The following FTO variants were observed in gnomAD, a reference collection of about 807,000 sequenced individuals.
The protein encoded by FTO is FTO alpha-ketoglutarate dependent dioxygenase, also known as alpha-ketoglutarate-dependent dioxygenase FTO.
A neutral mutation model predicts 63.9 loss-of-function variants in FTO; 47 were observed. That is an observed-to-expected ratio of 0.74 (90% CI 0.58 to 0.94). The LOEUF is 0.94. Ranked by LOEUF, FTO falls within the 40% of genes least tolerant of loss-of-function variation. FTO has a pLI of 0.00. For missense variants in FTO, 562 were observed against 618.1 expected, an observed-to-expected ratio of 0.91 and a Z score of 0.96; for synonymous variants, 207 against 224.4, an observed-to-expected ratio of 0.92 and a Z score of 0.69.
chr16:53,841,313 T>A (rs1388766422), intron 3 of FTO, among the ~76,000 whole-genome samples: 2 of 151,270 alleles, frequency 1.3e-5, no homozygotes, highest in Non-Finnish European at 2.9e-5. Flanking sequence ...AATGTTTTTT[T>A]AATTAACCTA....
intron 8 of FTO, among the ~76,000 whole-genome samples, chr16:54,017,691 A>G (rs879834945): frequency 2.6e-5 from 4 of 152,122 alleles, no homozygotes; most frequent in Non-Finnish European, 5.9e-5. Context: ...TGGAATAATC[A>G]TCTCCTTTTA....
chr16:53,745,691 AT>A (rs1440784729), intron 1 of FTO, among the ~76,000 whole-genome samples: 1 of 152,072 alleles, frequency 6.6e-6, no homozygotes, highest in East Asian at 1.9e-4. Context: ...ATCAGTTACC[AT>A]TTTCTCATCA....
intron 8 of FTO, among the ~76,000 whole-genome samples, chr16:53,995,870 C>G (rs1302904340): frequency 1.3e-5 from 2 of 152,150 alleles, no homozygotes; most frequent in African/African-American, 4.8e-5. Flanking sequence ...GGTTCCCTTG[C>G]AAGTCAGGGG....
At chr16:53,955,259 G>T (rs2082901766) in intron 8 of FTO, among the ~76,000 whole-genome samples, 1 of 152,150 alleles carries the variant, frequency 6.6e-6, no homozygotes, top group Non-Finnish European at 1.5e-5. Context: ...CTGGAACTGG[G>T]TATACAAGAG....
chr16:53,883,636 C>CAAAAAA (rs1202328126), intron 6 of FTO, among the ~76,000 whole-genome samples: 6 of 121,156 alleles, frequency 5.0e-5, no homozygotes, highest in African/African-American at 1.6e-4. Flanking sequence ...AAAAAAAAAA[C>CAAAAAA]AAAAAAAAAA....
intron 8 of FTO, among the ~76,000 whole-genome samples, chr16:54,015,111 T>C (rs1252354418): frequency 6.6e-6 from 1 of 152,106 alleles, no homozygotes; most frequent in East Asian, 1.9e-4. Flanking sequence ...AAGATCCTCC[T>C]GCCTCAGCTT....
intron 7 of FTO, among the ~76,000 whole-genome samples, chr16:53,915,491 T>C (rs2151947671): frequency 6.6e-6 from 1 of 152,374 alleles, no homozygotes; most frequent in South Asian, 2.1e-4. Context: ...GAAAGGAGGA[T>C]GTTTTATTTA....
intron 8 of FTO, among the ~76,000 whole-genome samples, chr16:53,959,443 G>C (rs1363725922): frequency 1.3e-5 from 2 of 152,098 alleles, no homozygotes; most frequent in Non-Finnish European, 2.9e-5. Flanking sequence ...AAGGAAAAGT[G>C]GAACATCCTG....
chr16:53,839,928 C>T (rs1184510665), intron 3 of FTO, among the ~76,000 whole-genome samples: 1 of 151,880 alleles, frequency 6.6e-6, no homozygotes. Flanking sequence ...CCTCAGCCTC[C>T]TGAGTAGCTG....
chr16:53,805,815 G>A (rs897412423), intron 1 of FTO, among the ~76,000 whole-genome samples: 1 of 152,206 alleles, frequency 6.6e-6, no homozygotes, highest in Non-Finnish European at 1.5e-5. Context: ...ATGGGTGGTA[G>A]CCTGTGTGCA....
chr16:53,980,891 C>T (rs1169423281), intron 8 of FTO, among the ~76,000 whole-genome samples: 1 of 152,188 alleles, frequency 6.6e-6, no homozygotes, highest in Non-Finnish European at 1.5e-5. Context: ...CTTGCTGATA[C>T]AGTTTAGAAT....
chr16:53,838,752 T>C (rs919394022), intron 3 of FTO, among the ~76,000 whole-genome samples: 4 of 151,982 alleles, frequency 2.6e-5, no homozygotes, highest in Non-Finnish European at 5.9e-5. Context: ...GACAGGAGAA[T>C]CACTTGGACC....
chr16:53,984,189 G>A (rs71390223), intron 8 of FTO, among the ~76,000 whole-genome samples: 10,128 of 152,076 alleles, frequency 0.067, 458 homozygotes, highest in Non-Finnish European at 0.1. Context: ...CCTTCGTTAA[G>A]GCCAACTTTT....
chr16:53,934,386 C>T (rs2082343496), intron 8 of FTO, among the ~76,000 whole-genome samples: 1 of 152,142 alleles, frequency 6.6e-6, no homozygotes, highest in African/African-American at 2.4e-5. Context: ...ATATAAGTAC[C>T]TGATGCTGAA....
chr16:53,710,528 G>A (rs1182337989), intron 1 of FTO, among the ~76,000 whole-genome samples: 5 of 152,086 alleles, frequency 3.3e-5, no homozygotes, highest in South Asian at 2.1e-4. Flanking sequence ...CTCCCAAAGC[G>A]TTGGGATTAC....
chr16:53,723,578 A>T (rs1203199957), intron 1 of FTO, among the ~76,000 whole-genome samples: 2 of 152,112 alleles, frequency 1.3e-5, no homozygotes, highest in South Asian at 4.1e-4. Context: ...GAAGAGCAAG[A>T]CTCCTATTTA....
chr16:54,090,450 A>G (rs1347675433), intron 8 of FTO, among the ~76,000 whole-genome samples: 1 of 152,216 alleles, frequency 6.6e-6, no homozygotes, highest in East Asian at 1.9e-4. Context: ...TTTTAGAAAT[A>G]GATAGTGGTG....
chr16:53,926,437 G>A (rs902730096), intron 7 of FTO, among the ~76,000 whole-genome samples: 9 of 152,282 alleles, frequency 5.9e-5, no homozygotes, highest in Middle Eastern at 3.4e-3. Context: ...GTCCACTTCC[G>A]TGGCATGTTG....
intron 8 of FTO, among the ~76,000 whole-genome samples, chr16:54,094,076 G>T (rs1051269609): frequency 6.6e-6 from 1 of 152,128 alleles, no homozygotes; most frequent in African/African-American, 2.4e-5. Context: ...AGGAATGACA[G>T]ACCCACGCTT....
Sources: gnomAD v4.1 joint callset for allele counts (sites outside exome capture counted in the v4.1 genomes callset) on GRCh38, gnomAD v4.1.1 for gene constraint, MANE v1.5 for transcripts, NCBI Gene and HGNC (gene_info 2026-07-23, HGNC 2026-07-21) for gene names.